Variants in ORC1 observed in about 807,000 individuals in gnomAD.
The protein encoded by ORC1 is origin recognition complex, subunit 1 homolog.
A neutral mutation model predicts 98.9 loss-of-function variants in ORC1; 61 were observed. The ratio of observed to expected loss-of-function variants is 0.62; its 90% confidence interval spans 0.50 to 0.76. The LOEUF (loss-of-function observed/expected upper bound fraction) is 0.76. ORC1 is among the 30% of genes least tolerant of loss of function. The probability of loss-of-function intolerance (pLI) is 0.00; values close to 1 mark genes in which losing one functional copy is unlikely to be tolerated. For synonymous variants in ORC1, 385 were observed against 406.9 expected, an observed-to-expected ratio of 0.95 and a Z score of 0.65; for missense variants, 979 against 1,072.2, an observed-to-expected ratio of 0.91 and a Z score of 1.21.
chr1:52,389,837 T>C (rs559360150), intron 6 of ORC1, among the ~76,000 whole-genome samples: 4 of 152,238 alleles, frequency 2.6e-5, no homozygotes, highest in Non-Finnish European at 5.9e-5. Flanking sequence ...TTGTACAGTT[T>C]GTATTTGAGA....
In ORC1 at chr1:52,396,237, T is replaced by A; in HGVS notation, c.530A>T (p.Asn177Ile). Residue 177 changes from asparagine (N) to isoleucine (I), a missense_variant, in exon 5 of 17, where the codon AAT becomes ATT. Physicochemically the swap from Asn to Ile is moderately radical, Grantham distance 149. Coordinates refer to ENST00000371568, the MANE Select transcript of ORC1 (RefSeq NM_004153.4). ...CTTGGCTGCACTCTCTTGTGGTTTA[T>A]TCAACTCCGCAAATAGTTCTGAGGA... The part of the protein sequence containing the change: ...PLSSELFAEL[N>I]KPQESAAKCQ... The A allele has an allele frequency of 6.2e-7, 1 of 1,614,242 alleles. No homozygotes were observed.
chr1:52,384,788 G>A (rs1647121637), intron 10 of ORC1, 67 bp from the exon 11 acceptor site: 2 of 1,392,016 alleles, frequency 1.4e-6, no homozygotes, highest in South Asian at 1.2e-5. Flanking sequence ...AATCAGTTAG[G>A]AGTGTGGGAA....
Position 52,388,492 on chromosome 1 carries a change from A to G in ORC1, c.1333T>C (p.Ser445Pro). The change falls in exon 8 of 17, where the codon TCT becomes CCT. Residue 445 changes from serine to proline, a missense_variant. By Grantham distance (74) the Ser-to-Pro change is moderately conservative (BLOSUM62 -1). Transcript: ENST00000371568. ...GTATGTAAGGATGACTTCAAGGAAG[A>G]TCGCAGGTTCCTGGACACAGTTCTG... ...APRTVSRNLRSSLKSSLHTLT... is the reference protein window; with the variant it reads ...APRTVSRNLRPSLKSSLHTLT... The G allele has an allele frequency of 1.2e-6, 2 of 1,614,192 alleles. No individual in the cohort carries two copies. The highest frequency in any genetic ancestry group is 1.7e-6 in the Non-Finnish European group (2 of 1,180,028).
chr1:52,383,736 GGA>G, intron 12 of ORC1, 92 bp downstream of exon 12: 3 of 1,297,658 alleles, frequency 2.3e-6, no homozygotes, highest in Non-Finnish European at 3.3e-6. Flanking sequence ...TCATATGAAT[GGA>G]GAAGGGAGCC....
intron 7 of ORC1, among the ~76,000 whole-genome samples, 163 bp from the exon 8 acceptor site, chr1:52,388,800 T>C (rs1647176307): frequency 6.6e-6 from 1 of 152,174 alleles, no homozygotes; most frequent in South Asian, 2.1e-4. Context: ...ATTTATATTA[T>C]CTCATTAAAC....
intron 3 of ORC1, among the ~76,000 whole-genome samples, chr1:52,399,969 C>G (rs892406254): frequency 6.6e-6 from 1 of 152,202 alleles, no homozygotes; most frequent in Admixed American, 6.5e-5. Flanking sequence ...CTCATTAGTG[C>G]CTCATCATCA....
At chr1:52,377,423 TGCCATCGCATTG>T (rs888327541) in intron 14 of ORC1, among the ~76,000 whole-genome samples, 32 of 152,086 alleles carry the variant, frequency 2.1e-4, no homozygotes, top group African/African-American at 7.5e-4. Flanking sequence ...TACAGGCACA[TGCCATCGCATTG>T]GGCTAATTTT....
chr1:52,397,357 T>C (rs186159064), intron 4 of ORC1, among the ~76,000 whole-genome samples: 2 of 152,348 alleles, frequency 1.3e-5, no homozygotes, highest in East Asian at 1.9e-4. Flanking sequence ...GCAGTCCTCG[T>C]TTAAGCCAGC....
chr1:52,407,890 A>G (rs994129291), upstream of ORC1, among the ~76,000 whole-genome samples: 9 of 152,214 alleles, frequency 5.9e-5, no homozygotes, highest in African/African-American at 1.9e-4. Flanking sequence ...ACCGGTCCCT[A>G]CTAAAAATAC....
At chr1:52,390,686 T>A (rs1321489616) in intron 6 of ORC1, among the ~76,000 whole-genome samples, 1 of 151,300 alleles carries the variant, frequency 6.6e-6, no homozygotes, top group Non-Finnish European at 1.5e-5. Context: ...AGGTCAGGAG[T>A]TTGAGATCAG....
chr1:52,380,085 T>C (rs1647041666), intron 14 of ORC1, among the ~76,000 whole-genome samples: 1 of 152,198 alleles, frequency 6.6e-6, no homozygotes, highest in Non-Finnish European at 1.5e-5. Flanking sequence ...GAAGACCTCT[T>C]CTGTACCTGA....
At chr1:52,376,472 G>A (rs1042403054) in intron 14 of ORC1, among the ~76,000 whole-genome samples, 6 of 151,940 alleles carry the variant, frequency 3.9e-5, no homozygotes, top group East Asian at 1.9e-4. Context: ...CCAAGATCAC[G>A]CCACTGCACT....
chr1:52,403,796 C>T (rs1647849621), intron 1 of ORC1, among the ~76,000 whole-genome samples: 1 of 151,900 alleles, frequency 6.6e-6, no homozygotes, highest in Non-Finnish European at 1.5e-5. Context: ...TGCTTAGTCA[C>T]GAAAAGCGAC....
At chr1:52,404,510 C>G, upstream of ORC1, 2 of 418,784 alleles carry the variant, frequency 4.8e-6, no homozygotes, top group Non-Finnish European at 4.3e-6. Flanking sequence ...CCCGCCCACT[C>G]CGTACACCTA....
chr1:52,396,001 C>T, intron 5 of ORC1, 45 bp downstream of exon 5: 2 of 1,613,590 alleles, frequency 1.2e-6, no homozygotes, highest in Non-Finnish European at 1.7e-6. Context: ...ATCACATAAC[C>T]CTTTAGCCCC....
At position 52,388,517 on chromosome 1, in the gene ORC1, G is replaced by A; in HGVS notation, c.1308C>T (p.Pro436=). 1.2e-6 allele frequency: 2 copies of A among 1,614,130 alleles called. No homozygotes were observed. The highest frequency in any genetic ancestry group is 8.5e-7 in the Non-Finnish European group (1 of 1,180,010). Residue 436 remains proline (P), a synonymous_variant, in exon 8 of 17, where the codon CCC becomes CCT. Transcript: ENST00000371568. The part of the protein sequence containing the change: ...ASTPPLPRRA[P]RTVSRNLRSS... ...ATCGCAGGTTCCTGGACACAGTTCT[G>A]GGTGCTCTCCTTGGAAGGGGCGGTG...
At chr1:52,405,668 T>G (rs1647964860), upstream of ORC1, 14 of 1,612,376 alleles carry the variant, frequency 8.7e-6, no homozygotes, top group Non-Finnish European at 1.2e-5. Context: ...CTGTATTGTT[T>G]TTGTTTTTTA....
upstream of ORC1, among the ~76,000 whole-genome samples, chr1:52,407,180 G>A (rs1648021800): frequency 6.6e-6 from 1 of 152,040 alleles, no homozygotes; most frequent in African/African-American, 2.4e-5. Flanking sequence ...ACTACACCCG[G>A]CTAATTTTTT....
intron 8 of ORC1, 85 bp from the exon 9 acceptor site, chr1:52,386,034 C>G: frequency 1.0e-6 from 1 of 997,656 alleles, no homozygotes; most frequent in East Asian, 2.6e-5. Context: ...TTGTGCTGAT[C>G]TGATAAAAGG....
Sources: allele counts gnomAD v4.1 joint callset (sites outside exome capture counted in the v4.1 genomes callset), GRCh38; gene constraint gnomAD v4.1.1; transcripts MANE v1.5; gene names NCBI Gene and HGNC (gene_info 2026-07-23, HGNC 2026-07-21).